The following CANT1 variants were observed in gnomAD, a reference collection of about 807,000 sequenced individuals.
CANT1 encodes the protein soluble calcium-activated nucleotidase 1.
A neutral mutation model predicts 30.0 loss-of-function variants in CANT1; 26 were observed. The ratio of observed to expected loss-of-function variants is 0.87; its 90% CI spans 0.64 to 1.20. CANT1 has a LOEUF of 1.20. Among genes scored for constraint, CANT1 ranks in the 50% most tolerant of loss-of-function variants. The pLI, the probability that CANT1 is intolerant of heterozygous loss-of-function variation, is 0.00. For synonymous variants in CANT1, 246 were observed against 251.8 expected, an observed-to-expected ratio of 0.98 and a Z score of 0.22; for missense variants, 518 against 563.0, an observed-to-expected ratio of 0.92 and a Z score of 0.81.
intron 1 of CANT1, among the ~76,000 whole-genome samples, chr17:79,007,205 T>C (rs1568047779): frequency 6.6e-6 from 1 of 152,266 alleles, no homozygotes; most frequent in Non-Finnish European, 1.5e-5. Flanking sequence ...GATTTTTTCC[T>C]AATTAACCAT....
Position 79,002,123 on chromosome 17 carries a change from C to T in CANT1, c.-146-4160G>A, listed in dbSNP as rs988571692. Among the ~76,000 whole-genome samples, 12 of 152,270 alleles carry T rather than the reference C, an allele frequency of 7.9e-5. No individual in the cohort carries two copies. Among genetic ancestry groups the T allele is most frequent in the African/African-American group, 2.9e-4 (12 of 41,560 alleles). On this transcript the variant is annotated intron_variant, in intron 1 of 4. Coordinates refer to ENST00000392446, the MANE Select transcript of CANT1 (RefSeq NM_001159773.2). The surrounding 1 kb of genome is among the most constrained non-coding windows in gnomAD (Gnocchi z 4.0). ...TCCAACATGTGGTCCAACACAAATT[C>T]GTAAACTTTCTTAAAACATGATGAG...
chr17:78,999,123 T>C (rs17739056), intron 1 of CANT1, among the ~76,000 whole-genome samples: 22,550 of 151,948 alleles, frequency 0.15, 2,037 homozygotes, highest in East Asian at 0.3. Context: ...CGGACAGTCC[T>C]AGGTTTTAGC....
At chr17:79,007,394 A>T (rs1170715726) in intron 1 of CANT1, among the ~76,000 whole-genome samples, 1 of 152,176 alleles carries the variant, frequency 6.6e-6, no homozygotes, top group Admixed American at 6.5e-5. Flanking sequence ...CCATTCAACA[A>T]ACAATAGAAA....
At position 78,997,801 on chromosome 17, in the gene CANT1, C is replaced by T. The variant is rs886053529; in HGVS notation, c.-23+39G>A. The T allele has an allele frequency of 1.1e-4, 61 of 554,280 alleles. No homozygotes were observed. Among genetic ancestry groups the T allele is most frequent in the Admixed American group, 2.9e-4 (8 of 27,444 alleles). The allele number at this position is 554,280 out of a possible 1,614,324, so 34.3% of individuals were successfully genotyped here. On this transcript the variant is annotated intron_variant, in intron 2 of 4. Coordinates refer to ENST00000392446, the MANE Select transcript of CANT1 (RefSeq NM_001159773.2). This position sits in a 1 kb window ranked among gnomAD's most constrained non-coding sequence, Gnocchi z 7.5. ...TTACTCCCTTGGCTTAATGAATTCC[C>T]GACTCTAGATTCCCGACTCTAGCAG...
chr17:78,998,563 G>C lies in CANT1; in HGVS notation c.-146-600C>G, dbSNP rs967216855. Among the ~76,000 whole-genome samples, 1 of 152,248 alleles carries C rather than the reference G, an allele frequency of 6.6e-6. No individual in the cohort carries two copies. Among genetic ancestry groups the C allele is most frequent in the Admixed American group, 6.5e-5 (1 of 15,292 alleles). On this transcript the variant is annotated intron_variant, in intron 1 of 4. Transcript: ENST00000392446. This position sits in a 1 kb window ranked among gnomAD's most constrained non-coding sequence, Gnocchi z 4.5. ...GGCGTGGCTCTGTGGCAGAGCCCCA[G>C]GGTCAGGGTGCTGGTGGCGGCCAGG... is the stretch of plus-strand genomic sequence containing the variant.
chr17:78,999,249 C>T (rs1213655400), intron 1 of CANT1, among the ~76,000 whole-genome samples: 1 of 152,172 alleles, frequency 6.6e-6, no homozygotes, highest in Non-Finnish European at 1.5e-5. Context: ...GCAGGGAAGA[C>T]TCCATGCTCC....
intron 1 of CANT1, among the ~76,000 whole-genome samples, chr17:79,004,293 G>GGA (rs1313930759): frequency 3.5e-5 from 1 of 28,298 alleles, no homozygotes; most frequent in African/African-American, 1.4e-4. Flanking sequence ...GGGGAGTTAG[G>GGA]GAGGGGAGTT....
chr17:79,006,364 T>A (rs1471020344), intron 1 of CANT1, among the ~76,000 whole-genome samples: 1 of 151,106 alleles, frequency 6.6e-6, no homozygotes. Flanking sequence ...CTGGGCTCCC[T>A]GGGAAAATCC....
chr17:78,993,268 C>T lies in CANT1; in HGVS notation c.*282G>A. On this transcript the variant is annotated 3_prime_UTR_variant, in exon 5 of 5. Transcript: ENST00000392446. The surrounding 1 kb of genome is among the most constrained non-coding windows in gnomAD (Gnocchi z 4.5). ...ACATAGGAAAGAAAAGAAACGAGGT[C>T]GGATGGAAGAAACGACCCAGCCAGT... 2 of 500,374 alleles carry T rather than the reference C, an allele frequency of 4.0e-6. No individual in the cohort carries two copies. The highest frequency in any genetic ancestry group is 3.6e-6 in the Non-Finnish European group (1 of 275,016). 31.0% of individuals were successfully genotyped at this position (500,374 alleles called of 1,614,324 possible).
Position 78,993,941 on chromosome 17 carries a change from G to A in CANT1, c.836-21C>T, listed in dbSNP as rs746528701. 221 of 1,555,426 alleles carry A rather than the reference G, an allele frequency of 1.4e-4. No homozygotes were observed. Among genetic ancestry groups the A allele is most frequent in the African/African-American group, 1.4e-5 (1 of 73,706 alleles). ...GTAGCCTGGGAACCGGGTGACCGCG[G>A]GTCAGACACGCATGCGGCCTGGTGT... On this transcript the variant is annotated intron_variant, in intron 4 of 4. Transcript: ENST00000392446. The surrounding 1 kb of genome is among the most constrained non-coding windows in gnomAD (Gnocchi z 4.5).
intron 1 of CANT1, among the ~76,000 whole-genome samples, chr17:78,999,642 A>ATTTTTTTT (rs35755919): frequency 6.2e-5 from 6 of 97,346 alleles, no homozygotes; most frequent in African/African-American, 1.2e-4. Flanking sequence ...CGCACAGCGA[A>ATTTTTTTT]TTTTTTTTTT....
rs2071031360 is a variant in CANT1, at chr17:78,996,279, G to A, written c.631+713C>T. Reference sequence around the variant, plus strand: ...GCCTGCGGTGGCATTTAGCTTTCTAGAAGGTGGGGATCCACCGCCAGCTCA... The same window carrying A: ...GCCTGCGGTGGCATTTAGCTTTCTAAAAGGTGGGGATCCACCGCCAGCTCA... On this transcript the variant is annotated intron_variant, in intron 3 of 4. Coordinates refer to ENST00000392446, the MANE Select transcript of CANT1 (RefSeq NM_001159773.2). This position sits in a 1 kb window ranked among gnomAD's most constrained non-coding sequence, Gnocchi z 5.1. Among the ~76,000 whole-genome samples the A allele has an allele frequency of 6.6e-6, 1 of 152,160 alleles. No individual in the cohort carries two copies. The highest frequency in any genetic ancestry group is 1.5e-5 in the Non-Finnish European group (1 of 68,020).
rs2071069079 is a variant in CANT1 at position 78,997,256 on chromosome 17, T to G, written c.367A>C (p.Asn123His). ...TTTTTCAGGTAACTGAACCAGGTGTTTTCCTCTTGGGCCCTTGACTCTGTG... is the reference window on the plus strand; with the variant it reads ...TTTTTCAGGTAACTGAACCAGGTGTGTTCCTCTTGGGCCCTTGACTCTGTG... ...LDTESRAQEE[N>H]TWFSYLKKGY... Residue 123 changes from asparagine to histidine, a missense_variant, in exon 3 of 5, where the codon AAC becomes CAC. Asn to His is a moderately conservative substitution (Grantham distance 68). Coordinates refer to ENST00000392446, the MANE Select transcript of CANT1 (RefSeq NM_001159773.2). This position sits in a 1 kb window ranked among gnomAD's most constrained non-coding sequence, Gnocchi z 7.5. 6.2e-7 allele frequency: 1 copy of G among 1,614,104 alleles called. No homozygotes were observed. Among genetic ancestry groups the G allele is most frequent in the Non-Finnish European group, 8.5e-7 (1 of 1,180,048 alleles).
At chr17:79,001,784 C>G (rs1014207318) in intron 1 of CANT1, among the ~76,000 whole-genome samples, 5 of 152,152 alleles carry the variant, frequency 3.3e-5, no homozygotes, top group Non-Finnish European at 7.4e-5. Flanking sequence ...GCCCACTGAC[C>G]TCTCCCAGGG....
chr17:79,009,144 G>GC (rs1254571764), intron 1 of CANT1, among the ~76,000 whole-genome samples: 1 of 152,034 alleles, frequency 6.6e-6, no homozygotes, highest in East Asian at 1.9e-4. Flanking sequence ...ACTAACCAGA[G>GC]GGGGAGGTGC....
chr17:78,997,714 C>G lies in CANT1; in HGVS notation c.-22-70G>C. The stretch of plus-strand genomic sequence containing the variant: ...CCCAGTCACATCTTAGTTCCGGAAG[C>G]TGCAGGCGCTGGAGGCTGACTTTTC... On this transcript the variant is annotated intron_variant, in intron 2 of 4. Coordinates refer to ENST00000392446, the MANE Select transcript of CANT1 (RefSeq NM_001159773.2). The surrounding 1 kb of genome is among the most constrained non-coding windows in gnomAD (Gnocchi z 7.5). 1 of 1,372,628 alleles carries G rather than the reference C, an allele frequency of 7.3e-7. No individual in the cohort carries two copies. The highest frequency in any genetic ancestry group is 9.7e-7 in the Non-Finnish European group (1 of 1,029,914). The allele number at this position is 1,372,628 out of a possible 1,614,324, so 85.0% of individuals were successfully genotyped here. A position where few individuals can be genotyped will look rare whatever the true frequency, so the allele number is the denominator to read the frequency against.
In CANT1 at chr17:78,997,937, C is replaced by T. The variant is rs1173118797; in HGVS notation, c.-120G>A. The T allele has an allele frequency of 8.4e-6, 3 of 358,658 alleles. No individual in the cohort carries two copies. The highest frequency in any genetic ancestry group is 1.5e-5 in the Non-Finnish European group (3 of 197,376). The allele number at this position is 358,658 out of a possible 1,614,324, so 22.2% of individuals were successfully genotyped here. A position where few individuals can be genotyped will look rare whatever the true frequency, so the allele number is the denominator to read the frequency against. On this transcript the variant is annotated 5_prime_UTR_variant, in exon 2 of 5. An upstream start codon of the reference 5' UTR is lost. Transcript: ENST00000392446. This position sits in a 1 kb window ranked among gnomAD's most constrained non-coding sequence, Gnocchi z 7.5. Reference sequence around the variant, plus strand: ...GGAAGCTGAGTGAGGAAGGAAGTTCCATGCAGGCTGGTGCTCTGTGGTCCC... The same window carrying T: ...GGAAGCTGAGTGAGGAAGGAAGTTCTATGCAGGCTGGTGCTCTGTGGTCCC...
intron 1 of CANT1, among the ~76,000 whole-genome samples, chr17:78,999,620 C>A (rs1487489088): frequency 1.4e-5 from 2 of 146,774 alleles, no homozygotes; most frequent in Non-Finnish European, 3.0e-5. Flanking sequence ...GGACTACAGG[C>A]GTGTGCCACC....
At chr17:78,999,001 G>A (rs1057365215) in intron 1 of CANT1, among the ~76,000 whole-genome samples, 8 of 152,152 alleles carry the variant, frequency 5.3e-5, no homozygotes, top group African/African-American at 1.7e-4. Flanking sequence ...CGAGGCCCTG[G>A]TGCACGGCAG....
Sources: gnomAD v4.1 joint callset for allele counts (sites outside exome capture counted in the v4.1 genomes callset) on GRCh38, gnomAD v4.1.1 for gene constraint, Gnocchi (gnomAD v3.1) non-coding constraint, MANE v1.5 for transcripts, NCBI Gene and HGNC (gene_info 2026-07-23, HGNC 2026-07-21) for gene names.